The following UBR4 variants were observed in gnomAD, a reference collection of about 807,000 sequenced individuals.
UBR4 encodes ubiquitin protein ligase E3 component n-recognin 4, also known as E3 ubiquitin-protein ligase UBR4.
UBR4 carries 124 observed loss-of-function variants against 575.6 expected under a neutral mutation model. That is an observed-to-expected ratio of 0.22 (90% CI 0.19 to 0.25). UBR4 has a LOEUF of 0.25. Among genes scored for constraint, UBR4 ranks in the 10% least tolerant of loss-of-function variants. The pLI, the probability that UBR4 is intolerant of heterozygous loss-of-function variation, is 1.00. For synonymous variants in UBR4, 2,455 were observed against 2,473.7 expected, an observed-to-expected ratio of 0.99 and a Z score of 0.22; for missense variants, 4,818 against 6,478.8, an observed-to-expected ratio of 0.74 and a Z score of 8.80.
chr1:19,208,823 G>C (rs1461120808), intron 1 of UBR4, among the ~76,000 whole-genome samples: 2 of 152,140 alleles, frequency 1.3e-5, no homozygotes, highest in Non-Finnish European at 2.9e-5. Flanking sequence ...AGACTGGAAC[G>C]TTACTGATTC....
chr1:19,175,009 T>C lies in UBR4; in HGVS notation c.2798A>G (p.Tyr933Cys). The change falls in exon 21 of 106, where the codon TAC becomes TGC. Residue 933 changes from tyrosine (Y) to cysteine (C), a missense_variant. By Grantham distance (194) the Tyr-to-Cys change is radical (BLOSUM62 -2). Coordinates refer to ENST00000375254, the MANE Select transcript of UBR4 (RefSeq NM_020765.3). ...TGAGGCTTCTGGGGACAGGACACAG[T>C]AGAATCTGGGGTGTGGGACAGCATC... is the stretch of plus-strand genomic sequence containing the variant. ...SSDAVPHPRF[Y>C]CVLSPEASED... 1 of 1,613,974 alleles carries C rather than the reference T, an allele frequency of 6.2e-7. No homozygotes were observed. The highest frequency in any genetic ancestry group is 8.5e-7 in the Non-Finnish European group (1 of 1,179,932).
chr1:19,089,670 A>C lies in UBR4; in HGVS notation c.14212-693T>G. 6.6e-6 allele frequency among the ~76,000 whole-genome samples: 1 copy of C among 152,220 alleles called. No homozygotes were observed. Among genetic ancestry groups the C allele is most frequent in the East Asian group, 1.9e-4 (1 of 5,202 alleles). ...AGCACTCCAGGTGAGCTCACTGAGA[A>C]ATATTACCACATCCCTGAAATCCTC... is the stretch of plus-strand genomic sequence containing the variant. On this transcript the variant is annotated intron_variant, in intron 97 of 105. Coordinates refer to ENST00000375254, the MANE Select transcript of UBR4 (RefSeq NM_020765.3). This position sits in a 1 kb window ranked among gnomAD's most constrained non-coding sequence, Gnocchi z 4.3.
chr1:19,116,074 T>C (rs1429219379), intron 73 of UBR4, among the ~76,000 whole-genome samples: 1 of 152,168 alleles, frequency 6.6e-6, no homozygotes, highest in East Asian at 1.9e-4. Context: ...CTAAGTCAAG[T>C]CATAAAGAGG....
At chr1:19,192,432 A>C (rs2092156657) in intron 10 of UBR4, 49 bp downstream of exon 10, 1 of 1,614,204 alleles carries the variant, frequency 6.2e-7, no homozygotes, top group Admixed American at 1.7e-5. Flanking sequence ...TTTACATCTC[A>C]GAGAGGACAA....
chr1:19,155,560 T>G lies in UBR4; in HGVS notation c.6181A>C (p.Ile2061Leu), dbSNP rs771349304. ...FLFNEEGKNI[I>L]VIMSSAGYIY... is the part of the protein sequence containing the mutation. Reference sequence around the variant, plus strand: ...TACCCAGCCGAAGACATTATAACAATGATGTTCTTTCCCTCCTCATTGAAA... The same window carrying G: ...TACCCAGCCGAAGACATTATAACAAGGATGTTCTTTCCCTCCTCATTGAAA... The change falls in exon 43 of 106, where the codon ATT becomes CTT. Residue 2061 changes from isoleucine (I) to leucine (L), a missense_variant. Ile to Leu is a conservative substitution (Grantham distance 5, BLOSUM62 2). Coordinates refer to ENST00000375254, the MANE Select transcript of UBR4 (RefSeq NM_020765.3). The G allele has an allele frequency of 6.2e-7, 1 of 1,614,070 alleles. No individual in the cohort carries two copies.
intron 1 of UBR4, among the ~76,000 whole-genome samples, chr1:19,202,825 G>T (rs1373900224): frequency 6.6e-6 from 1 of 152,160 alleles, no homozygotes; most frequent in Non-Finnish European, 1.5e-5. Flanking sequence ...GGTGGCTCAT[G>T]CCTGCAATTC....
chr1:19,092,759 A>T, intron 97 of UBR4, 60 bp downstream of exon 97: 1 of 1,392,550 alleles, frequency 7.2e-7, no homozygotes. Flanking sequence ...GTCTCAAGGT[A>T]AACTAGGGTA....
In UBR4 at chr1:19,128,372, T is replaced by G. The variant is rs1557698386; in HGVS notation, c.9004-54A>C. 4.1e-6 allele frequency: 6 copies of G among 1,467,252 alleles called. No homozygotes were observed. In the East Asian group the frequency reaches 1.4e-4, roughly 33 times the overall value. The allele number at this position is 1,467,252 out of a possible 1,614,324, so 90.9% of individuals were successfully genotyped here. A position where few individuals can be genotyped will look rare whatever the true frequency, so the allele number is the denominator to read the frequency against. ...CCCAATTTCCTAAAGAAGAACGACT[T>G]GAAATACGGGGTGTTTCAGAAGAAA... On this transcript the variant is annotated intron_variant, in intron 61 of 105. Coordinates refer to ENST00000375254, the MANE Select transcript of UBR4 (RefSeq NM_020765.3).
At chr1:19,113,621 G>C in intron 77 of UBR4, 78 bp downstream of exon 77, 1 of 1,576,770 alleles carries the variant, frequency 6.3e-7, no homozygotes, top group South Asian at 1.2e-5. Context: ...CTAGATGAGA[G>C]AGCAGCAGGA....
intron 18 of UBR4, among the ~76,000 whole-genome samples, chr1:19,178,652 C>T (rs1456463406): frequency 6.6e-6 from 1 of 152,152 alleles, no homozygotes; most frequent in Non-Finnish European, 1.5e-5. Flanking sequence ...ATCTGAGCTT[C>T]CCCCAAGGAA....
At chr1:19,118,006 GCCAAAGTGAGC>G (rs1187512844) in intron 71 of UBR4, 96 bp from the exon 72 acceptor site, 10 of 1,152,344 alleles carry the variant, frequency 8.7e-6, no homozygotes, top group African/African-American at 3.0e-5. Context: ...CTCAATGTGA[GCCAAAGTGAGC>G]CCAAAGTGAG....
chr1:19,128,745 C>T (rs2082094550), intron 61 of UBR4, among the ~76,000 whole-genome samples: 1 of 152,212 alleles, frequency 6.6e-6, no homozygotes, highest in Non-Finnish European at 1.5e-5. Flanking sequence ...GGCTTTTGCA[C>T]TGGCTCTGTC....
intron 14 of UBR4, among the ~76,000 whole-genome samples, chr1:19,185,671 T>C (rs1156856948): frequency 6.6e-6 from 1 of 151,548 alleles, no homozygotes; most frequent in Non-Finnish European, 1.5e-5. Context: ...CCTCCCAGGT[T>C]CAAGCGATTC....
chr1:19,181,283 C>A (rs1484908545), intron 17 of UBR4, among the ~76,000 whole-genome samples: 3 of 151,952 alleles, frequency 2.0e-5, no homozygotes, highest in East Asian at 3.9e-4. Flanking sequence ...CACACATAGT[C>A]CCAAAAGGCT....
chr1:19,202,135 G>C (rs1049364853), intron 1 of UBR4, among the ~76,000 whole-genome samples: 3 of 152,136 alleles, frequency 2.0e-5, no homozygotes, highest in African/African-American at 7.2e-5. Flanking sequence ...AGAGGTTGCA[G>C]TGAGCCGATA....
chr1:19,139,183 T>C lies in UBR4; in HGVS notation c.8631A>G (p.Thr2877=). ...GAGAGGTCCGAAGGGTAGAACCATCTGTCGCTGCTGTACTGCCCTCGTCGT... is the reference window on the plus strand; with the variant it reads ...GAGAGGTCCGAAGGGTAGAACCATCCGTCGCTGCTGTACTGCCCTCGTCGT... ...ASDDEGSTAA[T]DGSTLRTSPA... is the part of the protein sequence containing the mutation. Residue 2877 remains threonine (T), a synonymous_variant, in exon 59 of 106, where the codon ACA becomes ACG. Transcript: ENST00000375254. The surrounding 1 kb of genome is among the most constrained non-coding windows in gnomAD (Gnocchi z 4.2). 6.2e-7 allele frequency: 1 copy of C among 1,613,956 alleles called. No individual in the cohort carries two copies. The highest frequency in any genetic ancestry group is 8.5e-7 in the Non-Finnish European group (1 of 1,179,878).
At chr1:19,121,586 C>T (rs2081184499) in intron 67 of UBR4, 152 bp from the exon 68 acceptor site, 1 of 1,112,160 alleles carries the variant, frequency 9.0e-7, no homozygotes, top group Non-Finnish European at 1.3e-6. Flanking sequence ...AGAAGTTATA[C>T]TTTCTGTGGA....
At chr1:19,178,154 T>C (rs1367999449) in intron 18 of UBR4, among the ~76,000 whole-genome samples, 2 of 152,210 alleles carry the variant, frequency 1.3e-5, no homozygotes, top group Non-Finnish European at 2.9e-5. Context: ...ATATTTTGAT[T>C]CTATCATTTA....
intron 71 of UBR4, chr1:19,118,112 C>A: frequency 1.8e-6 from 1 of 549,128 alleles, no homozygotes; most frequent in Non-Finnish European, 3.2e-6. Flanking sequence ...ACTAACTGAC[C>A]TTAGATGTTT....
Sources: allele counts gnomAD v4.1 joint callset (sites outside exome capture counted in the v4.1 genomes callset), GRCh38; gene constraint gnomAD v4.1.1; non-coding constraint Gnocchi (gnomAD v3.1); transcripts MANE v1.5; gene names NCBI Gene and HGNC (gene_info 2026-07-23, HGNC 2026-07-21).